Variants in NRCAM observed in about 807,000 individuals in gnomAD.
The protein encoded by NRCAM is neuronal cell adhesion molecule.
A neutral mutation model predicts 156.5 loss-of-function variants in NRCAM; 83 were observed. The ratio of observed to expected loss-of-function variants is 0.53; its 90% CI spans 0.44 to 0.64. The LOEUF (loss-of-function observed/expected upper bound fraction) is 0.64, where lower values mean the gene tolerates loss of function less well. NRCAM is among the 30% of genes least tolerant of loss of function. The pLI is 0.00. For missense variants in NRCAM, 1,417 were observed against 1,597.3 expected (o/e 0.89, Z 1.92); for synonymous variants, 538 against 563.9 (o/e 0.95, Z 0.65).
At chr7:108,338,709 A>G (rs535461104) in intron 2 of NRCAM, among the ~76,000 whole-genome samples, 6 of 152,162 alleles carry the variant, frequency 3.9e-5, no homozygotes, top group East Asian at 3.9e-4. Context: ...GAAATAGTAG[A>G]AAAAAAAGTG....
intron 2 of NRCAM, among the ~76,000 whole-genome samples, chr7:108,398,318 A>T (rs531238928): frequency 6.6e-6 from 1 of 152,094 alleles, no homozygotes; most frequent in Non-Finnish European, 1.5e-5. Flanking sequence ...CAACCACCAA[A>T]TCCAGCTCTT....
chr7:108,156,159 T>C (rs2045339207), intron 32 of NRCAM: 1 of 269,576 alleles, frequency 3.7e-6, no homozygotes, highest in South Asian at 1.4e-4. Flanking sequence ...GCAAAATAAC[T>C]CTAATGTATA....
At chr7:108,154,881 C>T (rs1585093297) in intron 32 of NRCAM, among the ~76,000 whole-genome samples, 1 of 152,032 alleles carries the variant, frequency 6.6e-6, no homozygotes, top group South Asian at 2.1e-4. Flanking sequence ...ACACGCGGAA[C>T]TTTCCAGGTG....
At chr7:108,376,229 T>G (rs2099674959) in intron 2 of NRCAM, among the ~76,000 whole-genome samples, 1 of 152,186 alleles carries the variant, frequency 6.6e-6, no homozygotes, top group African/African-American at 2.4e-5. Context: ...GGAATTTAAA[T>G]CCTGAGCAGA....
chr7:108,281,898 G>T (rs1281063936), intron 3 of NRCAM, among the ~76,000 whole-genome samples: 2 of 152,206 alleles, frequency 1.3e-5, no homozygotes, highest in African/African-American at 2.4e-5. Flanking sequence ...AAACACAATT[G>T]GGTGAAGTAA....
At chr7:108,214,503 CT>C (rs570857428) in intron 11 of NRCAM, among the ~76,000 whole-genome samples, 251 of 151,370 alleles carry the variant, frequency 1.7e-3, no homozygotes, top group African/African-American at 5.8e-3. Flanking sequence ...TCTCTTTCTT[CT>C]TTATTAGTCT....
At position 108,270,163 on chromosome 7, in the gene NRCAM, T is replaced by C. The variant is rs375238250; in HGVS notation, c.-106-29993A>G. ...TTTGGTTACTTGAAGGACTATCAAA[T>C]TGGAAAAGGCAACATGATAAAAGCA... is the stretch of plus-strand genomic sequence containing the variant. On this transcript the variant is annotated intron_variant, in intron 3 of 32. Transcript: ENST00000379028. 5.3e-5 allele frequency among the ~76,000 whole-genome samples: 8 copies of C among 152,316 alleles called. No individual in the cohort carries two copies. In the East Asian group the frequency reaches 1.4e-3, roughly 26 times the overall value.
In NRCAM at chr7:108,209,519, T is replaced by C. The variant is rs981411934; in HGVS notation, c.977A>G (p.Gln326Arg). ...TVYKNFEKTL[Q>R]IIHVSEADSG... ...GTCTGCTTCTGAAACATGAATGATC[T>C]GCAAGGTTTTCTCAAAGTTCTTATA... The change falls in exon 12 of 33, where the codon CAG becomes CGG. Residue 326 changes from glutamine (Q) to arginine (R), a missense_variant. Gln to Arg is a conservative substitution (Grantham distance 43). Transcript: ENST00000379028. 6.2e-7 allele frequency: 1 copy of C among 1,612,344 alleles called. No homozygotes were observed. Among genetic ancestry groups the C allele is most frequent in the East Asian group, 2.2e-5 (1 of 44,800 alleles).
chr7:108,207,723 T>C, intron 12 of NRCAM, 64 bp from the exon 13 acceptor site: 1 of 1,401,968 alleles, frequency 7.1e-7, no homozygotes, highest in South Asian at 1.3e-5. Context: ...CAAAAGAACA[T>C]ATTGAACTAT....
rs372715555 is a variant in NRCAM, at chr7:108,168,602, CAG to C, written c.3188-202_3188-201del. 3.8e-3 allele frequency among the ~76,000 whole-genome samples: 571 copies of C among 152,232 alleles called. 3 individuals carry two copies. The highest frequency in any genetic ancestry group is 0.013 in the African/African-American group (545 of 41,536). ...AATTCAGCACTAGGAAATTAATAAT[CAG>C]AAATAATGACGCATAATATTAAAAT... On this transcript the variant is annotated intron_variant, in intron 28 of 32. Transcript: ENST00000379028.
At chr7:108,300,780 AACTC>A (rs1216541923) in intron 3 of NRCAM, among the ~76,000 whole-genome samples, 1 of 152,172 alleles carries the variant, frequency 6.6e-6, no homozygotes, top group East Asian at 1.9e-4. Flanking sequence ...ACTTAAGAGA[AACTC>A]AATCTTAGAA....
intron 13 of NRCAM, among the ~76,000 whole-genome samples, chr7:108,200,497 G>A (rs2153515057): frequency 6.6e-6 from 1 of 152,268 alleles, no homozygotes; most frequent in Admixed American, 6.5e-5. Flanking sequence ...CAGATCCCAA[G>A]TCTTGTATGA....
rs370695585 is a variant in NRCAM, at chr7:108,149,931, G to A, written c.3894C>T (p.Asn1298=). The part of the protein sequence containing the change: ...NESSEAPSPV[N]AMNSFV ...AAAATTAAACAAAGGAATTCATGGC[G>A]TTGACAGGAGAAGGTGCCTCTGAGC... Residue 1298 remains asparagine, a synonymous_variant, in exon 33 of 33, where the codon AAC becomes AAT. Coordinates refer to ENST00000379028, the MANE Select transcript of NRCAM (RefSeq NM_001037132.4). The A allele has an allele frequency of 9.3e-5, 150 of 1,610,494 alleles. No homozygotes were observed. The highest frequency in any genetic ancestry group is 1.2e-4 in the Non-Finnish European group (138 of 1,179,084).
At chr7:108,310,825 C>T (rs1486006980) in intron 3 of NRCAM, among the ~76,000 whole-genome samples, 1 of 152,078 alleles carries the variant, frequency 6.6e-6, no homozygotes, top group African/African-American at 2.4e-5. Context: ...GACCTGACAA[C>T]TAAAAGCTCT....
At chr7:108,219,926 T>C (rs2091521039) in intron 11 of NRCAM, among the ~76,000 whole-genome samples, 1 of 152,170 alleles carries the variant, frequency 6.6e-6, no homozygotes, top group Admixed American at 6.5e-5. Context: ...TGTTTGCTGA[T>C]GATATGATCA....
chr7:108,240,825 C>G (rs1488699550), intron 3 of NRCAM, among the ~76,000 whole-genome samples: 1 of 152,156 alleles, frequency 6.6e-6, no homozygotes, highest in African/African-American at 2.4e-5. Flanking sequence ...TATCTTTAAA[C>G]AAGTACTTAA....
chr7:108,318,170 C>T (rs1160794095), intron 2 of NRCAM, among the ~76,000 whole-genome samples: 15 of 150,312 alleles, frequency 1.0e-4, no homozygotes, highest in African/African-American at 2.9e-4. Flanking sequence ...CTCAGCCTCC[C>T]GAGTAGCTGG....
intron 3 of NRCAM, among the ~76,000 whole-genome samples, chr7:108,306,218 A>G (rs2098712852): frequency 6.6e-6 from 1 of 152,224 alleles, no homozygotes; most frequent in Non-Finnish European, 1.5e-5. Flanking sequence ...ATCCTTCACC[A>G]TTAATTTCAT....
At chr7:108,367,912 A>C (rs901843460) in intron 2 of NRCAM, among the ~76,000 whole-genome samples, 1 of 152,218 alleles carries the variant, frequency 6.6e-6, no homozygotes, top group Non-Finnish European at 1.5e-5. Flanking sequence ...TCAAACATTT[A>C]TATATAAAAA....
Sources: gnomAD v4.1 joint callset for allele counts (sites outside exome capture counted in the v4.1 genomes callset) on GRCh38, gnomAD v4.1.1 for gene constraint, MANE v1.5 for transcripts, NCBI Gene and HGNC (gene_info 2026-07-23, HGNC 2026-07-21) for gene names.